The following RSPH14 variants were observed in gnomAD, a reference collection of about 807,000 sequenced individuals.
The protein encoded by RSPH14 is rhabdoid tumor deletion region gene 1.
In RSPH14, 20 loss-of-function variants were observed where a neutral mutation model predicts 26.7. The observed-to-expected ratio is 0.75, with a 90% CI of 0.53 to 1.09. The LOEUF is 1.09. RSPH14 is among the 50% of genes least tolerant of loss of function. The pLI is 0.00. For missense variants in RSPH14, 449 were observed against 457.2 expected (o/e 0.98, Z 0.16); for synonymous variants, 177 against 189.3 (o/e 0.93, Z 0.53).
chr22:23,151,283 C>G, the RSPH14 span, among the ~76,000 whole-genome samples: 6 of 152,242 alleles, frequency 3.9e-5, no homozygotes, highest in African/African-American at 1.2e-4. Context: ...TCCCTGATCC[C>G]TTATGGCAGC....
At chr22:23,146,551 T>G (rs2070784207), upstream of RSPH14, 2 of 1,591,310 alleles carry the variant, frequency 1.3e-6, no homozygotes, top group Non-Finnish European at 1.7e-6. Context: ...CATGGGTGAA[T>G]CCCCAGGTAT....
At chr22:23,180,131 G>T in the RSPH14 span, 1 of 254,878 alleles carries the variant, frequency 3.9e-6, no homozygotes. Context: ...GGAACATGAG[G>T]TAGGTGGTGG....
the RSPH14 span, chr22:23,155,966 A>T: frequency 1.9e-6 from 3 of 1,610,190 alleles, no homozygotes; most frequent in Non-Finnish European, 2.5e-6. Context: ...CCCACCTCAC[A>T]GCTGGGACAC....
the RSPH14 span, chr22:23,156,232 C>T: frequency 7.4e-6 from 4 of 539,670 alleles, no homozygotes; most frequent in Non-Finnish European, 1.4e-5. Flanking sequence ...CGATCACACC[C>T]TTTAAGGACC....
rs747070243 is a variant in RSPH14, at chr22:23,059,530, G to A, written c.979C>T (p.Pro327Ser). 13 of 1,614,202 alleles carry A rather than the reference G, an allele frequency of 8.1e-6. No homozygotes were observed. Among genetic ancestry groups the A allele is most frequent in the Non-Finnish European group, 1.0e-5 (12 of 1,180,000 alleles). Reference sequence around the variant, plus strand: ...CGCTGTAAGGCTTCGGCCACTTGAGGCTTTTCGTAAGTCTCCACCTCCATG... The same window carrying A: ...CGCTGTAAGGCTTCGGCCACTTGAGACTTTTCGTAAGTCTCCACCTCCATG... ...RAMEVETYEKPQVAEALQRAA... is the reference protein window; with the variant it reads ...RAMEVETYEKSQVAEALQRAA... The change falls in exon 7 of 7, where the codon CCT becomes TCT. Residue 327 changes from proline to serine, a missense_variant. By Grantham distance (74) the Pro-to-Ser change is moderately conservative. Coordinates refer to ENST00000216036, the MANE Select transcript of RSPH14 (RefSeq NM_014433.3).
In RSPH14 at chr22:23,071,531, G is replaced by T. The variant is rs999857126; in HGVS notation, c.422-7398C>A. Reference sequence around the variant, plus strand: ...CCTGCCCTGGGGATTGAGCTCTCTGGAGAAGGCTCCTTGGCCAAATTCAAT... The same window carrying T: ...CCTGCCCTGGGGATTGAGCTCTCTGTAGAAGGCTCCTTGGCCAAATTCAAT... On this transcript the variant is annotated intron_variant, in intron 4 of 6. Coordinates refer to ENST00000216036, the MANE Select transcript of RSPH14 (RefSeq NM_014433.3). The surrounding 1 kb of genome is among the most constrained non-coding windows in gnomAD (Gnocchi z 4.1). 2.0e-5 allele frequency among the ~76,000 whole-genome samples: 3 copies of T among 152,224 alleles called. No homozygotes were observed. The highest frequency in any genetic ancestry group is 2.0e-4 in the Admixed American group (3 of 15,290).
Position 23,080,824 on chromosome 22 carries a change from G to A in RSPH14, c.422-16691C>T, listed in dbSNP as rs149213849. Among the ~76,000 whole-genome samples the A allele has an allele frequency of 2.5e-3, 377 of 152,308 alleles. 1 individual carries two copies. Among genetic ancestry groups the A allele is most frequent in the African/African-American group, 8.5e-3 (353 of 41,564 alleles). On this transcript the variant is annotated intron_variant, in intron 4 of 6. Transcript: ENST00000216036. Reference sequence around the variant, plus strand: ...ACAAGCCTTGAGGAAATCTTGGCGCGCAAAAACCCTTTTTACCTCTGTCAT... The same window carrying A: ...ACAAGCCTTGAGGAAATCTTGGCGCACAAAAACCCTTTTTACCTCTGTCAT...
intron 4 of RSPH14, among the ~76,000 whole-genome samples, chr22:23,067,514 A>AT (rs993441421): frequency 6.6e-6 from 1 of 152,194 alleles, no homozygotes; most frequent in African/African-American, 2.4e-5. Context: ...TTAGCCTTGC[A>AT]TGGCCCTGTG....
chr22:23,157,887 G>C, the RSPH14 span: 3 of 1,579,968 alleles, frequency 1.9e-6, no homozygotes, highest in African/African-American at 2.7e-5. Context: ...GTGCCTGGTT[G>C]GGGGGCTGCC....
At chr22:23,136,084 T>C in intron 3 of RSPH14, 2 of 511,680 alleles carry the variant, frequency 3.9e-6, no homozygotes, top group Non-Finnish European at 7.0e-6. Context: ...GTTGCAGGGG[T>C]CTTCCCTGAC....
chr22:23,133,993 C>T (rs1214537352), intron 4 of RSPH14, 33 bp downstream of exon 4: 4 of 1,515,132 alleles, frequency 2.6e-6, no homozygotes, highest in South Asian at 1.1e-5. Flanking sequence ...AACTTGAGTG[C>T]CCGACAGATC....
At chr22:23,153,022 AT>A in the RSPH14 span, 1 of 1,607,226 alleles carries the variant, frequency 6.2e-7, no homozygotes, top group Non-Finnish European at 8.5e-7. Flanking sequence ...CGACTTCCTC[AT>A]CCCCCACAGG....
At chr22:23,180,533 G>T in the RSPH14 span, 2 of 184,234 alleles carry the variant, frequency 1.1e-5, no homozygotes, top group South Asian at 1.6e-4. Flanking sequence ...GGGCGGGAGT[G>T]CGGCGAGAGC....
At position 23,140,439 on chromosome 22, in the gene RSPH14, G is replaced by T. The variant is rs201004606; in HGVS notation, c.-19C>A. The T allele has an allele frequency of 7.4e-6, 12 of 1,613,106 alleles. No homozygotes were observed. Among genetic ancestry groups the T allele is most frequent in the Non-Finnish European group, 1.0e-5 (12 of 1,179,552 alleles). On this transcript the variant is annotated 5_prime_UTR_variant, in exon 2 of 7. Transcript: ENST00000216036. ...GGGCCATCTTTCCCCAACTACAGAGGCCTTTCCAAATGAAGCTCTGCAGAA... is the reference window on the plus strand; with the variant it reads ...GGGCCATCTTTCCCCAACTACAGAGTCCTTTCCAAATGAAGCTCTGCAGAA...
At chr22:23,176,107 T>C in the RSPH14 span, among the ~76,000 whole-genome samples, 7 of 152,260 alleles carry the variant, frequency 4.6e-5, no homozygotes, top group African/African-American at 7.2e-5. Flanking sequence ...CATTGCTCCT[T>C]GGTGCAACAG....
At chr22:23,108,234 G>A (rs990046733) in intron 4 of RSPH14, among the ~76,000 whole-genome samples, 4 of 152,242 alleles carry the variant, frequency 2.6e-5, no homozygotes, top group African/African-American at 7.2e-5. Context: ...CATCCACCCC[G>A]TGCTGGGCAG....
the RSPH14 span, chr22:23,157,965 G>T: frequency 3.1e-6 from 5 of 1,614,098 alleles, no homozygotes; most frequent in Non-Finnish European, 4.2e-6. Flanking sequence ...GGCACTGATT[G>T]GCTGTTGGCT....
chr22:23,104,927 A>C (rs2069417869), intron 4 of RSPH14, among the ~76,000 whole-genome samples: 1 of 152,222 alleles, frequency 6.6e-6, no homozygotes, highest in Admixed American at 6.5e-5. Context: ...AGTGTTGGCC[A>C]GGGCAGAGTG....
intron 4 of RSPH14, among the ~76,000 whole-genome samples, chr22:23,089,576 A>C (rs4822354): frequency 0.35 from 52,497 of 152,040 alleles, 9,903 homozygotes; most frequent in African/African-American, 0.51. Flanking sequence ...ATGACCATGT[A>C]CCCATCCTGA....
Sources: allele counts gnomAD v4.1 joint callset (sites outside exome capture counted in the v4.1 genomes callset), GRCh38; gene constraint gnomAD v4.1.1; non-coding constraint Gnocchi (gnomAD v3.1); transcripts MANE v1.5; gene names NCBI Gene and HGNC (gene_info 2026-07-23, HGNC 2026-07-21).